The following HACL2 variants were observed in gnomAD, a reference collection of about 807,000 sequenced individuals.
The protein encoded by HACL2 is 2-hydroxyacyl-CoA lyase 1 like.
At chr19:15,115,305 C>A in the HACL2 span, 1 of 1,614,188 alleles carries the variant, frequency 6.2e-7, no homozygotes, top group Non-Finnish European at 8.5e-7. Context: ...AGGATGTTGA[C>A]CACAACCGGG....
the HACL2 span, among the ~76,000 whole-genome samples, chr19:15,120,460 GA>G: frequency 6.6e-6 from 1 of 152,206 alleles, no homozygotes; most frequent in Non-Finnish European, 1.5e-5. Context: ...ATGTAAATAT[GA>G]ACCTCCCTCC....
the HACL2 span, among the ~76,000 whole-genome samples, chr19:15,120,507 C>T: frequency 1.3e-5 from 2 of 152,198 alleles, no homozygotes; most frequent in East Asian, 1.9e-4. Context: ...GGACATGAGG[C>T]GCTTTGCATG....
the HACL2 span, chr19:15,124,704 C>T: frequency 1.8e-6 from 1 of 570,870 alleles, no homozygotes; most frequent in Non-Finnish European, 3.0e-6. Flanking sequence ...AGTGCCCCGG[C>T]AGCGGCAGCT....
chr19:15,123,631 T>G, the HACL2 span: 1 of 1,548,608 alleles, frequency 6.5e-7, no homozygotes, highest in Non-Finnish European at 8.9e-7. This position sits in a 1 kb window ranked among gnomAD's most constrained non-coding sequence, Gnocchi z 5.1. Flanking sequence ...AGAGGGCAGC[T>G]GGGAAAGGGG....
chr19:15,121,812 CA>C, the HACL2 span, among the ~76,000 whole-genome samples: 120 of 84,800 alleles, frequency 1.4e-3, no homozygotes, highest in East Asian at 4.9e-3. Context: ...GAATCTGTTT[CA>C]AAAAAAAAAA....
the HACL2 span, among the ~76,000 whole-genome samples, chr19:15,120,972 T>C: frequency 0.029 from 4,481 of 152,060 alleles, 238 homozygotes; most frequent in African/African-American, 0.1. Flanking sequence ...AGAGATAGCC[T>C]TGTGAGAGGC....
At chr19:15,119,802 C>T in the HACL2 span, among the ~76,000 whole-genome samples, 9 of 152,176 alleles carry the variant, frequency 5.9e-5, no homozygotes, top group East Asian at 1.9e-4. Flanking sequence ...CCGCCTGCCT[C>T]GGCCTCCCTA....
the HACL2 span, chr19:15,125,085 C>G: frequency 6.6e-7 from 1 of 1,515,350 alleles, no homozygotes; most frequent in Non-Finnish European, 8.8e-7. Flanking sequence ...AGAGAAAGGG[C>G]ACTTCCCAGA....
the HACL2 span, chr19:15,116,335 G>A: frequency 2.5e-6 from 4 of 1,614,000 alleles, no homozygotes; most frequent in East Asian, 4.5e-5. Flanking sequence ...CGACAGGACA[G>A]CGAAGGTCAC....
At chr19:15,123,462 C>A in the HACL2 span, 4 of 1,614,200 alleles carry the variant, frequency 2.5e-6, no homozygotes, top group Non-Finnish European at 3.4e-6. The surrounding 1 kb of genome is among the most constrained non-coding windows in gnomAD (Gnocchi z 5.1). Context: ...TTCTCACAGG[C>A]CACCAGCAGC....
the HACL2 span, chr19:15,115,744 G>C: frequency 6.4e-7 from 1 of 1,568,502 alleles, no homozygotes; most frequent in Non-Finnish European, 8.8e-7. Flanking sequence ...CAGAGACAGG[G>C]ATAGGGCCTC....
chr19:15,123,484 C>T, the HACL2 span: 1 of 1,614,114 alleles, frequency 6.2e-7, no homozygotes, highest in Non-Finnish European at 8.5e-7. This position sits in a 1 kb window ranked among gnomAD's most constrained non-coding sequence, Gnocchi z 5.1. Flanking sequence ...GGGAAATGTG[C>T]CCACCGACCA....
chr19:15,121,166 G>A, the HACL2 span, among the ~76,000 whole-genome samples: 1 of 152,232 alleles, frequency 6.6e-6, no homozygotes, highest in Non-Finnish European at 1.5e-5. Context: ...GGCTGAGGCA[G>A]GAGAATCACT....
At chr19:15,118,101 AGTCCCT>A in the HACL2 span, 1 of 1,559,114 alleles carries the variant, frequency 6.4e-7, no homozygotes, top group Non-Finnish European at 8.8e-7. Context: ...GATGCAAATG[AGTCCCT>A]GTTCCTCACC....
At chr19:15,117,731 A>AGC in the HACL2 span, 13 of 729,970 alleles carry the variant, frequency 1.8e-5, no homozygotes, top group Non-Finnish European at 2.9e-5. Flanking sequence ...TCAGTTTGAG[A>AGC]GCCAACTATT....
chr19:15,124,621 G>C, the HACL2 span: 6 of 420,374 alleles, frequency 1.4e-5, no homozygotes, highest in Non-Finnish European at 2.1e-5. Context: ...ATCCCATCCA[G>C]GTTAGGGAGC....
chr19:15,119,511 T>C, the HACL2 span: 1 of 1,613,612 alleles, frequency 6.2e-7, no homozygotes, highest in Admixed American at 1.7e-5. Flanking sequence ...CACACAGCGC[T>C]GAACCTGGAG....
chr19:15,123,474 G>A, the HACL2 span: 1 of 1,614,192 alleles, frequency 6.2e-7, no homozygotes, highest in Non-Finnish European at 8.5e-7. This position sits in a 1 kb window ranked among gnomAD's most constrained non-coding sequence, Gnocchi z 5.1. Flanking sequence ...ACCAGCAGCG[G>A]GGAAATGTGC....
chr19:15,122,312 T>A, the HACL2 span, among the ~76,000 whole-genome samples: 24 of 151,688 alleles, frequency 1.6e-4, no homozygotes, highest in Non-Finnish European at 2.6e-4. This position sits in a 1 kb window ranked among gnomAD's most constrained non-coding sequence, Gnocchi z 4.0. Flanking sequence ...GGTTCAAGGA[T>A]CATCCTTTAG....
Sources: allele counts gnomAD v4.1 joint callset (sites outside exome capture counted in the v4.1 genomes callset), GRCh38; gene constraint gnomAD v4.1.1; non-coding constraint Gnocchi (gnomAD v3.1); transcripts MANE v1.5; gene names NCBI Gene and HGNC (gene_info 2026-07-23, HGNC 2026-07-21).